Variants in TRAPPC9 observed in about 807,000 individuals in gnomAD.
TRAPPC9 encodes the protein trafficking protein particle complex subunit 9, also known as IKK2 binding protein.
Under a neutral mutation model 124.0 loss-of-function variants are expected in TRAPPC9, and 83 were observed. The ratio of observed to expected loss-of-function variants is 0.67; its 90% CI spans 0.56 to 0.80. TRAPPC9 has a LOEUF of 0.80. TRAPPC9 is among the 30% of genes least tolerant of loss of function. The probability of loss-of-function intolerance (pLI) is 0.00; values close to 1 mark genes in which losing one functional copy is unlikely to be tolerated. For missense variants in TRAPPC9, 1,302 were observed against 1,508.3 expected, an observed-to-expected ratio of 0.86 and a Z score of 2.27; for synonymous variants, 638 against 617.5, an observed-to-expected ratio of 1.03 and a Z score of -0.49.
At chr8:140,069,300 T>C (rs1843023253) in intron 17 of TRAPPC9, among the ~76,000 whole-genome samples, 1 of 152,156 alleles carries the variant, frequency 6.6e-6, no homozygotes, top group Non-Finnish European at 1.5e-5. Flanking sequence ...CTGTCAACCT[T>C]CCCTGCCCAC....
At chr8:140,427,432 C>A (rs1411330352) in intron 4 of TRAPPC9, among the ~76,000 whole-genome samples, 1 of 151,850 alleles carries the variant, frequency 6.6e-6, no homozygotes, top group African/African-American at 2.4e-5. Context: ...TTGGACACTT[C>A]ATCAAGTTAA....
chr8:140,152,164 T>C (rs1045757115), intron 17 of TRAPPC9, among the ~76,000 whole-genome samples: 1 of 150,194 alleles, frequency 6.7e-6, no homozygotes, highest in African/African-American at 2.5e-5. Context: ...GACAGCATAG[T>C]GTCTAATACA....
chr8:139,923,892 T>C (rs1832655847), intron 19 of TRAPPC9, among the ~76,000 whole-genome samples: 1 of 152,232 alleles, frequency 6.6e-6, no homozygotes, highest in African/African-American at 2.4e-5. Flanking sequence ...AAAAATGCTA[T>C]TATATCTAAT....
At chr8:139,816,773 A>G (rs79907691) in intron 21 of TRAPPC9, among the ~76,000 whole-genome samples, 2,262 of 152,196 alleles carry the variant, frequency 0.015, 24 homozygotes, top group Non-Finnish European at 0.025. Flanking sequence ...TGCTTCGTGG[A>G]TAAGGACACT....
At chr8:140,070,950 CG>C (rs1259326936) in intron 17 of TRAPPC9, among the ~76,000 whole-genome samples, 1 of 152,170 alleles carries the variant, frequency 6.6e-6, no homozygotes, top group African/African-American at 2.4e-5. Context: ...AGCAGAGGGA[CG>C]GGGGGCCCAG....
At chr8:139,975,817 C>G (rs1836403069) in intron 19 of TRAPPC9, among the ~76,000 whole-genome samples, 1 of 152,170 alleles carries the variant, frequency 6.6e-6, no homozygotes. Context: ...ACTGACATCC[C>G]CATCAGCTGC....
chr8:139,777,457 C>T (rs953342257), intron 21 of TRAPPC9, among the ~76,000 whole-genome samples: 5 of 152,182 alleles, frequency 3.3e-5, no homozygotes, highest in Non-Finnish European at 7.3e-5. Flanking sequence ...CAACCTAATG[C>T]TTTGTAGGGC....
At chr8:139,878,745 G>A (rs983374804) in intron 21 of TRAPPC9, among the ~76,000 whole-genome samples, 1 of 152,220 alleles carries the variant, frequency 6.6e-6, no homozygotes, top group Non-Finnish European at 1.5e-5. Context: ...CAGAAGGAAC[G>A]CTTGAGGCCG....
chr8:140,051,386 T>C (rs917411128), intron 17 of TRAPPC9, among the ~76,000 whole-genome samples: 1 of 152,184 alleles, frequency 6.6e-6, no homozygotes, highest in African/African-American at 2.4e-5. Context: ...TGGGTGTATC[T>C]GAACCCTCAA....
chr8:140,356,087 T>C (rs567631357), intron 9 of TRAPPC9, among the ~76,000 whole-genome samples: 35 of 152,284 alleles, frequency 2.3e-4, no homozygotes, highest in African/African-American at 8.4e-4. Flanking sequence ...AGAAAAACGC[T>C]GACACTGAGT....
intron 9 of TRAPPC9, among the ~76,000 whole-genome samples, chr8:140,314,149 A>G (rs2066383423): frequency 6.6e-6 from 1 of 152,262 alleles, no homozygotes; most frequent in Non-Finnish European, 1.5e-5. Flanking sequence ...CGCAGACAAC[A>G]CAGACATTAA....
intron 20 of TRAPPC9, among the ~76,000 whole-genome samples, chr8:139,904,239 C>T (rs1009471620): frequency 5.9e-5 from 9 of 152,126 alleles, no homozygotes; most frequent in African/African-American, 2.2e-4. Context: ...GGGAGAAAAT[C>T]TGCAGAAAAA....
chr8:139,906,206 T>A (rs1254682583), intron 20 of TRAPPC9, among the ~76,000 whole-genome samples: 1 of 152,258 alleles, frequency 6.6e-6, no homozygotes, highest in East Asian at 1.9e-4. Flanking sequence ...GGAAGCAGGA[T>A]GGCTGACCGC....
intron 21 of TRAPPC9, among the ~76,000 whole-genome samples, chr8:139,808,590 G>A (rs1824224265): frequency 6.6e-6 from 1 of 151,932 alleles, no homozygotes; most frequent in Non-Finnish European, 1.5e-5. Flanking sequence ...CCCCTAAAAA[G>A]CAACTCCATA....
At chr8:139,917,324 G>C (rs527728105) in intron 19 of TRAPPC9, among the ~76,000 whole-genome samples, 1 of 151,756 alleles carries the variant, frequency 6.6e-6, no homozygotes, top group African/African-American at 2.4e-5. Context: ...GGGACTACAC[G>C]CGCCTGCCAC....
intron 21 of TRAPPC9, among the ~76,000 whole-genome samples, chr8:139,829,816 T>A (rs532406139): frequency 6.6e-6 from 1 of 152,206 alleles, no homozygotes; most frequent in African/African-American, 2.4e-5. Flanking sequence ...AGCTAGGCTT[T>A]CCCACTTTCT....
Position 140,287,597 on chromosome 8 carries a change from A to G in TRAPPC9, c.1981+11T>C. ...CCTCCTGAGCAGGAAGCATGAAGGG[A>G]CTCTCCTTACCGTTCACAGTAATCG... On this transcript the variant is annotated intron_variant, in intron 13 of 22. Coordinates refer to ENST00000438773, the MANE Select transcript of TRAPPC9 (RefSeq NM_001160372.4). 1 of 1,613,648 alleles carries G rather than the reference A, an allele frequency of 6.2e-7. No individual in the cohort carries two copies. The highest frequency in any genetic ancestry group is 8.5e-7 in the Non-Finnish European group (1 of 1,179,886).
chr8:140,009,083 G>T (rs936125030), intron 18 of TRAPPC9, among the ~76,000 whole-genome samples: 1 of 152,164 alleles, frequency 6.6e-6, no homozygotes, highest in Admixed American at 6.5e-5. Flanking sequence ...CGGTCCTGTA[G>T]CTCCTTCCAG....
At chr8:139,849,075 G>A (rs961945727) in intron 21 of TRAPPC9, among the ~76,000 whole-genome samples, 1 of 152,228 alleles carries the variant, frequency 6.6e-6, no homozygotes, top group Non-Finnish European at 1.5e-5. Flanking sequence ...AAACGAGAGT[G>A]CTCAGTGTCC....
Sources: gnomAD v4.1 joint callset for allele counts (sites outside exome capture counted in the v4.1 genomes callset) on GRCh38, gnomAD v4.1.1 for gene constraint, MANE v1.5 for transcripts, NCBI Gene and HGNC (gene_info 2026-07-23, HGNC 2026-07-21) for gene names.